Variants in STK32B observed in about 807,000 individuals in gnomAD.
The protein encoded by STK32B is serine/threonine kinase 32B.
Under a neutral mutation model 52.6 loss-of-function variants are expected in STK32B, and 43 were observed. The observed-to-expected ratio is 0.82, with a 90% CI of 0.64 to 1.05. The LOEUF (loss-of-function observed/expected upper bound fraction) is 1.05. STK32B is among the 50% of genes least tolerant of loss of function. The pLI, the probability that STK32B is intolerant of heterozygous loss-of-function variation, is 0.00. For synonymous variants in STK32B, 238 were observed against 204.3 expected (o/e 1.17, Z -1.41); for missense variants, 621 against 534.6 (o/e 1.16, Z -1.59).
chr4:5,110,573 T>C (rs957006732), intron 1 of STK32B, among the ~76,000 whole-genome samples: 3 of 152,068 alleles, frequency 2.0e-5, no homozygotes, highest in African/African-American at 4.8e-5. Context: ...AGAGAGAGGC[T>C]GGACCCCTAT....
chr4:5,314,021 A>G (rs573610438), intron 3 of STK32B, among the ~76,000 whole-genome samples: 1 of 152,312 alleles, frequency 6.6e-6, no homozygotes, highest in East Asian at 1.9e-4. Context: ...ATTTAATGCA[A>G]TTGCTATGAA....
At chr4:5,080,564 A>G (rs1187185643) in intron 1 of STK32B, among the ~76,000 whole-genome samples, 1 of 152,142 alleles carries the variant, frequency 6.6e-6, no homozygotes, top group East Asian at 1.9e-4. Context: ...CCTAGCTAAT[A>G]TATGCTTTTC....
chr4:5,464,639 C>G (rs998335694), intron 9 of STK32B, among the ~76,000 whole-genome samples: 15 of 152,186 alleles, frequency 9.9e-5, no homozygotes, highest in Non-Finnish European at 5.9e-5. Flanking sequence ...TGTGTACCTG[C>G]CATTGTTCTG....
At position 5,395,868 on chromosome 4, in the gene STK32B, G is replaced by T. The variant is rs898854109; in HGVS notation, c.435-2339G>T. On this transcript the variant is annotated intron_variant, in intron 4 of 11. Coordinates refer to ENST00000282908, the MANE Select transcript of STK32B (RefSeq NM_018401.3). The surrounding 1 kb of genome is among the most constrained non-coding windows in gnomAD (Gnocchi z 4.4). The stretch of plus-strand genomic sequence containing the variant: ...CCAAACAGAACAGCCCCTTTCCTTG[G>T]CTCTGTGGGGTCTAGGGACCAAGGT... Among the ~76,000 whole-genome samples the T allele has an allele frequency of 2.0e-5, 3 of 152,222 alleles. No homozygotes were observed. Among genetic ancestry groups the T allele is most frequent in the Non-Finnish European group, 4.4e-5 (3 of 68,038 alleles).
intron 1 of STK32B, among the ~76,000 whole-genome samples, chr4:5,128,115 C>T (rs1481834010): frequency 1.3e-5 from 2 of 152,176 alleles, no homozygotes; most frequent in South Asian, 2.1e-4. Flanking sequence ...TGGCAACTCC[C>T]AGAAGCCAGA....
intron 3 of STK32B, among the ~76,000 whole-genome samples, chr4:5,242,750 T>G (rs1416762383): frequency 6.6e-6 from 1 of 152,228 alleles, no homozygotes; most frequent in Non-Finnish European, 1.5e-5. Context: ...GCATTAATTT[T>G]TGTATAAGGT....
intron 11 of STK32B, among the ~76,000 whole-genome samples, chr4:5,497,794 C>T (rs1720415115): frequency 6.6e-6 from 1 of 152,162 alleles, no homozygotes; most frequent in African/African-American, 2.4e-5. Flanking sequence ...CCTCAGGACC[C>T]TGCATATAAG....
At chr4:5,332,358 A>G (rs923805972) in intron 4 of STK32B, among the ~76,000 whole-genome samples, 2 of 152,226 alleles carry the variant, frequency 1.3e-5, no homozygotes, top group African/African-American at 2.4e-5. Flanking sequence ...GGGAGAGTCA[A>G]TAACTAATAG....
In STK32B at chr4:5,058,054, GTCT is replaced by G. The variant is rs570299713; in HGVS notation, c.52+6149_52+6151del. 3.3e-5 allele frequency among the ~76,000 whole-genome samples: 5 copies of G among 152,296 alleles called. No individual in the cohort carries two copies. The highest frequency in any genetic ancestry group is 1.9e-4 in the East Asian group (1 of 5,178). ...TGTCAACGTTGTTAGCAATCCTGGA[GTCT>G]TCTTCTTCTCAGTCCTTGATTTTTG... On this transcript the variant is annotated intron_variant, in intron 1 of 11. Coordinates refer to ENST00000282908, the MANE Select transcript of STK32B (RefSeq NM_018401.3). This position sits in a 1 kb window ranked among gnomAD's most constrained non-coding sequence, Gnocchi z 4.8.
chr4:5,368,847 T>G lies in STK32B; in HGVS notation c.435-29360T>G, dbSNP rs568266996. On this transcript the variant is annotated intron_variant, in intron 4 of 11. Transcript: ENST00000282908. ...TTCATATGCTCCGCAGGAAGCTCAT[T>G]CATCCTTGCCATGCCAGATGCTGGG... 1.7e-3 allele frequency among the ~76,000 whole-genome samples: 261 copies of G among 152,296 alleles called. 1 individual carries two copies. Among genetic ancestry groups the G allele is most frequent in the African/African-American group, 5.1e-3 (213 of 41,568 alleles).
intron 3 of STK32B, among the ~76,000 whole-genome samples, chr4:5,212,595 C>A (rs1399434120): frequency 6.6e-6 from 1 of 152,250 alleles, no homozygotes; most frequent in Non-Finnish European, 1.5e-5. Context: ...CCTCCACATC[C>A]TGTGATTTCA....
In STK32B at chr4:5,237,745, C is replaced by A. The variant is rs538587976; in HGVS notation, c.260+69295C>A. Among the ~76,000 whole-genome samples, 12 of 152,284 alleles carry A rather than the reference C, an allele frequency of 7.9e-5. No homozygotes were observed. In the East Asian group the frequency reaches 1.9e-3, roughly 25 times the overall value. The stretch of plus-strand genomic sequence containing the variant: ...ACACCATGACAAAGCAGCCTCCCCC[C>A]ATCATGGCCACCTCTACCTGGCGCA... On this transcript the variant is annotated intron_variant, in intron 3 of 11. Transcript: ENST00000282908.
chr4:5,340,964 G>T (rs1034796701), intron 4 of STK32B, among the ~76,000 whole-genome samples: 2 of 152,080 alleles, frequency 1.3e-5, no homozygotes, highest in African/African-American at 4.8e-5. Context: ...TGGGTGATTT[G>T]CCCCAGGACA....
intron 3 of STK32B, among the ~76,000 whole-genome samples, chr4:5,269,222 T>G (rs1388141605): frequency 1.3e-5 from 2 of 152,098 alleles, no homozygotes; most frequent in Non-Finnish European, 2.9e-5. Flanking sequence ...GGATTAGTTG[T>G]AAGTGATGCT....
chr4:5,205,707 T>TAC (rs1560224999), intron 3 of STK32B, among the ~76,000 whole-genome samples: 5 of 143,198 alleles, frequency 3.5e-5, no homozygotes, highest in South Asian at 2.2e-4. Context: ...CGCGCGCGTG[T>TAC]GTGTGTGTGT....
At chr4:5,074,211 C>CGT (rs1560137795) in intron 1 of STK32B, among the ~76,000 whole-genome samples, 1 of 110,146 alleles carries the variant, frequency 9.1e-6, no homozygotes, top group Non-Finnish European at 2.2e-5. Context: ...TGTGTGTGTG[C>CGT]GCGTGCGTGA....
intron 4 of STK32B, among the ~76,000 whole-genome samples, chr4:5,332,620 ATATC>A (rs1349470785): frequency 1.3e-5 from 2 of 152,104 alleles, no homozygotes; most frequent in African/African-American, 4.8e-5. Flanking sequence ...AGCATTAGAT[ATATC>A]TCCTAATGCT....
intron 11 of STK32B, among the ~76,000 whole-genome samples, chr4:5,483,843 G>T (rs1201969783): frequency 6.6e-6 from 1 of 152,034 alleles, no homozygotes; most frequent in Non-Finnish European, 1.5e-5. Context: ...ATTTCGTTGT[G>T]TACCCAGCAG....
chr4:5,211,744 C>G (rs1380954275), intron 3 of STK32B, among the ~76,000 whole-genome samples: 2 of 152,166 alleles, frequency 1.3e-5, no homozygotes, highest in East Asian at 3.8e-4. Flanking sequence ...AACAAGCAAA[C>G]AAACAATCTT....
Sources: allele counts gnomAD v4.1 joint callset (sites outside exome capture counted in the v4.1 genomes callset), GRCh38; gene constraint gnomAD v4.1.1; non-coding constraint Gnocchi (gnomAD v3.1); transcripts MANE v1.5; gene names NCBI Gene and HGNC (gene_info 2026-07-23, HGNC 2026-07-21).